Variants in JAK1 observed in about 807,000 individuals in gnomAD.
The protein encoded by JAK1 is Janus kinase 1, also known as tyrosine-protein kinase JAK1.
In JAK1, 16 loss-of-function variants were observed where a neutral mutation model predicts 136.6. The observed-to-expected ratio is 0.12, with a 90% CI of 0.08 to 0.18. The LOEUF (loss-of-function observed/expected upper bound fraction) is 0.18. Ranked by LOEUF, JAK1 falls within the 10% of genes least tolerant of loss-of-function variation. The pLI is 1.00. For missense variants in JAK1, 859 were observed against 1,450.1 expected, an observed-to-expected ratio of 0.59 and a Z score of 6.62; for synonymous variants, 492 against 519.5, an observed-to-expected ratio of 0.95 and a Z score of 0.72.
chr1:64,988,920 G>GTATGTATGTGTATATATA (rs1311808332), intron 2 of JAK1, among the ~76,000 whole-genome samples: 23 of 144,764 alleles, frequency 1.6e-4, no homozygotes, highest in Non-Finnish European at 3.5e-4. Flanking sequence ...ATATATATAT[G>GTATGTATGTGTATATATA]TATGTATGTG....
At chr1:65,018,703 A>G (rs998741503) in intron 2 of JAK1, among the ~76,000 whole-genome samples, 1 of 152,212 alleles carries the variant, frequency 6.6e-6, no homozygotes, top group African/African-American at 2.4e-5. Flanking sequence ...GATTCTGCTA[A>G]GAGAGCATTT....
intron 1 of JAK1, among the ~76,000 whole-genome samples, chr1:64,925,292 C>T (rs1645564958): frequency 6.6e-6 from 1 of 151,538 alleles, no homozygotes; most frequent in African/African-American, 2.4e-5. Flanking sequence ...CCTGTAATGC[C>T]AGCTACTTAG....
intron 2 of JAK1, among the ~76,000 whole-genome samples, chr1:65,036,594 A>G (rs1425753114): frequency 6.6e-6 from 1 of 152,250 alleles, no homozygotes; most frequent in Non-Finnish European, 1.5e-5. Flanking sequence ...GCTTATTAAC[A>G]TAACTGCTTT....
chr1:65,005,028 TCTC>T (rs1456371101), intron 2 of JAK1, among the ~76,000 whole-genome samples: 1 of 152,188 alleles, frequency 6.6e-6, no homozygotes, highest in Admixed American at 6.6e-5. Context: ...CAAAGCATCA[TCTC>T]CTATATTTTT....
upstream of JAK1, among the ~76,000 whole-genome samples, chr1:64,968,390 T>C (rs1473084460): frequency 6.6e-6 from 1 of 151,988 alleles, no homozygotes; most frequent in Non-Finnish European, 1.5e-5. Context: ...CCTGTAATGG[T>C]GATCACAGAA....
chr1:64,930,996 CA>C (rs1442642945), intron 1 of JAK1, among the ~76,000 whole-genome samples: 2 of 148,670 alleles, frequency 1.3e-5, no homozygotes, highest in Admixed American at 1.3e-4. Flanking sequence ...CAGGGCCAGT[CA>C]GGGGGTGGGG....
chr1:64,902,585 T>A lies in JAK1; in HGVS notation c.-77-16244A>T, dbSNP rs12743948. Among the ~76,000 whole-genome samples, 177 of 26,062 alleles carry A rather than the reference T, an allele frequency of 6.8e-3. 1 individual carries two copies. Among genetic ancestry groups the A allele is most frequent in the East Asian group, 0.022 (11 of 504 alleles). The allele number at this position is 26,062 out of a possible 152,430, so 17.1% of individuals were successfully genotyped here. A position where few individuals can be genotyped will look rare whatever the true frequency, so the allele number is the denominator to read the frequency against. ...GAGAGAGAGAGAGAGAGAGAGAGAGTGTGTGTGTGTGTGTGTGTGTGTGTG... is the reference window on the plus strand; with the variant it reads ...GAGAGAGAGAGAGAGAGAGAGAGAGAGTGTGTGTGTGTGTGTGTGTGTGTG... On this transcript the variant is annotated intron_variant, in intron 1 of 24. Transcript: ENST00000342505.
chr1:65,002,069 C>T (rs1210465325), intron 2 of JAK1, among the ~76,000 whole-genome samples: 1 of 151,870 alleles, frequency 6.6e-6, no homozygotes, highest in Non-Finnish European at 1.5e-5. Context: ...CAATAGGTGC[C>T]CTGATCCCAA....
At chr1:65,011,581 C>T (rs1489579228) in intron 2 of JAK1, among the ~76,000 whole-genome samples, 1 of 152,132 alleles carries the variant, frequency 6.6e-6, no homozygotes, top group Non-Finnish European at 1.5e-5. Context: ...TTCCAGATTC[C>T]TTTTACTACC....
At chr1:64,953,330 C>A (rs4498841) in intron 1 of JAK1, among the ~76,000 whole-genome samples, 139,059 of 152,158 alleles carry the variant, frequency 0.91, 63,806 homozygotes, top group East Asian at 1. Flanking sequence ...AGTCCATTTA[C>A]AATTGAGAAA....
intron 1 of JAK1, among the ~76,000 whole-genome samples, chr1:64,900,518 TG>T (rs2101462208): frequency 6.6e-6 from 1 of 152,252 alleles, no homozygotes; most frequent in South Asian, 2.1e-4. Flanking sequence ...GACAGCGAAG[TG>T]GACAGAGATC....
At chr1:64,965,027 G>A (rs560147357) in intron 1 of JAK1, among the ~76,000 whole-genome samples, 1 of 152,194 alleles carries the variant, frequency 6.6e-6, no homozygotes, top group East Asian at 1.9e-4. Context: ...GGAAAGGGAA[G>A]AACAAAGATT....
At chr1:64,953,350 C>T (rs1392405181) in intron 1 of JAK1, among the ~76,000 whole-genome samples, 2 of 152,022 alleles carry the variant, frequency 1.3e-5, no homozygotes, top group African/African-American at 2.4e-5. Flanking sequence ...AAAAATAAGG[C>T]TCAATTATGA....
chr1:65,047,344 A>C (rs995455741), intron 1 of JAK1, among the ~76,000 whole-genome samples: 2 of 152,250 alleles, frequency 1.3e-5, no homozygotes, highest in African/African-American at 4.8e-5. Context: ...AAATGGGATG[A>C]TATTTACCTA....
intron 2 of JAK1, chr1:64,992,588 G>A (rs1646667101): frequency 6.6e-6 from 1 of 151,894 alleles, no homozygotes; most frequent in South Asian, 2.1e-4. Flanking sequence ...CACAAAGACT[G>A]AGTCTCCTTA....
intron 1 of JAK1, among the ~76,000 whole-genome samples, chr1:64,954,167 C>T (rs1460291970): frequency 6.6e-6 from 1 of 152,194 alleles, no homozygotes; most frequent in Non-Finnish European, 1.5e-5. Context: ...GAGAAAAAGT[C>T]TCTTTGAAGA....
chr1:64,960,153 AGAAG>A (rs1367978799), intron 1 of JAK1, among the ~76,000 whole-genome samples: 5 of 152,192 alleles, frequency 3.3e-5, no homozygotes, highest in African/African-American at 1.2e-4. Flanking sequence ...GCTTGAGCCC[AGAAG>A]GTCAACGCTG....
At chr1:64,956,538 A>G (rs1646191484) in intron 1 of JAK1, among the ~76,000 whole-genome samples, 1 of 152,194 alleles carries the variant, frequency 6.6e-6, no homozygotes, top group Non-Finnish European at 1.5e-5. Flanking sequence ...CCCCAACCTA[A>G]GCATTCACTA....
chr1:64,927,964 A>T (rs867677488), intron 1 of JAK1, among the ~76,000 whole-genome samples: 5 of 152,264 alleles, frequency 3.3e-5, no homozygotes, highest in Middle Eastern at 6.8e-3. Flanking sequence ...GGGCTACCCC[A>T]CTCAGACAAG....
Sources: gnomAD v4.1 joint callset for allele counts (sites outside exome capture counted in the v4.1 genomes callset) on GRCh38, gnomAD v4.1.1 for gene constraint, MANE v1.5 for transcripts, NCBI Gene and HGNC (gene_info 2026-07-23, HGNC 2026-07-21) for gene names.